The following ZAN variants were observed in gnomAD, a reference collection of about 807,000 sequenced individuals.
ZAN encodes zonadhesin.
A neutral mutation model predicts 286.2 loss-of-function variants in ZAN; 260 were observed. The ratio of observed to expected loss-of-function variants is 0.91; its 90% CI spans 0.82 to 1.01. The LOEUF is 1.01. Ranked by LOEUF, ZAN falls within the 50% of genes least tolerant of loss-of-function variation. The probability of loss-of-function intolerance (pLI) is 0.00; values close to 1 mark genes in which losing one functional copy is unlikely to be tolerated. For missense variants in ZAN, 3,410 were observed against 3,639.2 expected (o/e 0.94, Z 1.62); for synonymous variants, 1,368 against 1,417.5 (o/e 0.97, Z 0.79).
At chr7:100,795,425 T>C (rs1812298357) in intron 45 of ZAN, 89 bp downstream of exon 45, 2 of 1,259,416 alleles carry the variant, frequency 1.6e-6, no homozygotes, top group Non-Finnish European at 2.0e-6. Flanking sequence ...TATTCACATA[T>C]AGAATGATAT....
intron 30 of ZAN, 106 bp from the exon 31 acceptor site, chr7:100,773,615 G>C: frequency 5.8e-6 from 9 of 1,541,140 alleles, no homozygotes; most frequent in Non-Finnish European, 7.9e-6. Flanking sequence ...GCCAAGGCTG[G>C]GGGGCGAGGA....
At position 100,763,224 on chromosome 7, in the gene ZAN, C is replaced by G. The variant is rs549212472; in HGVS notation, c.3987-582C>G. 1.4e-4 allele frequency among the ~76,000 whole-genome samples: 21 copies of G among 152,188 alleles called. No individual in the cohort carries two copies. Among genetic ancestry groups the G allele is most frequent in the African/African-American group, 5.1e-4 (21 of 41,544 alleles). On this transcript the variant is annotated intron_variant, in intron 20 of 47. Coordinates refer to ENST00000613979, the MANE Select transcript of ZAN (RefSeq NM_003386.3). This position sits in a 1 kb window ranked among gnomAD's most constrained non-coding sequence, Gnocchi z 4.6. ...AGGTGATTCACCTGCCCTGGCCTCC[C>G]AAAATGCAAAATGCCGGGATTACAG...
intron 29 of ZAN, among the ~76,000 whole-genome samples, chr7:100,772,829 A>G: frequency 6.6e-6 from 1 of 151,368 alleles, no homozygotes; most frequent in Non-Finnish European, 1.5e-5. Flanking sequence ...CAAGAAAAAA[A>G]AAATTGTTAA....
chr7:100,779,401 A>C, intron 34 of ZAN, 45 bp from the exon 35 acceptor site: 1 of 1,542,654 alleles, frequency 6.5e-7, no homozygotes, highest in Non-Finnish European at 8.7e-7. Flanking sequence ...TTTGTGTCAT[A>C]GTAGGGGGAC....
At chr7:100,783,486 C>A (rs990936191) in intron 35 of ZAN, among the ~76,000 whole-genome samples, 1 of 150,480 alleles carries the variant, frequency 6.6e-6, no homozygotes, top group Non-Finnish European at 1.5e-5. Flanking sequence ...GTAATCCTAG[C>A]ACTTTGGGAG....
intron 35 of ZAN, among the ~76,000 whole-genome samples, chr7:100,783,918 A>G (rs1457470248): frequency 6.7e-6 from 1 of 148,286 alleles, no homozygotes; most frequent in African/African-American, 2.5e-5. Context: ...ATCCATGAAC[A>G]TGGTATGCAT....
chr7:100,797,556 C>T (rs376127341), intron 46 of ZAN, 21 bp from the exon 47 acceptor site: 1 of 1,613,422 alleles, frequency 6.2e-7, no homozygotes, highest in Non-Finnish European at 8.5e-7. Context: ...GGACCCATGT[C>T]TATTCCCCCA....
chr7:100,771,139 T>C (rs1219289665), intron 28 of ZAN, among the ~76,000 whole-genome samples: 2 of 151,982 alleles, frequency 1.3e-5, no homozygotes, highest in Non-Finnish European at 2.9e-5. Context: ...GAGGTCTTGC[T>C]ATGCAGCCCA....
Position 100,763,811 on chromosome 7 carries a change from A to T in ZAN, c.3992A>T (p.Gln1331Leu), listed in dbSNP as rs1562935311. The T allele has an allele frequency of 6.2e-7, 1 of 1,614,016 alleles. No individual in the cohort carries two copies. The highest frequency in any genetic ancestry group is 8.5e-7 in the Non-Finnish European group (1 of 1,179,872). Residue 1331 changes from glutamine to leucine, a missense_variant, in exon 21 of 48, where the codon CAG becomes CTG. Around this residue, in one of 7 missense-constraint regions of ZAN, gnomAD observed 1,042 missense variants for 1,058.0 expected, o/e 0.98. Transcript: ENST00000613979. The surrounding 1 kb of genome is among the most constrained non-coding windows in gnomAD (Gnocchi z 4.6). Reference sequence around the variant, plus strand: ...TTGGGGTGGGTCTCTTGCAGGTGTCAGAAGTACCAGGTGGTGAATTCCCCG... The same window carrying T: ...TTGGGGTGGGTCTCTTGCAGGTGTCTGAAGTACCAGGTGGTGAATTCCCCG... ...QTDQDEDQEC[Q>L]KYQVVNSPSC...
At chr7:100,751,456 C>T (rs182529962) in intron 13 of ZAN, among the ~76,000 whole-genome samples, 190 bp downstream of exon 13, 2 of 152,260 alleles carry the variant, frequency 1.3e-5, no homozygotes, top group East Asian at 1.9e-4. Context: ...AATGTGGCTT[C>T]GATACCATGG....
In ZAN at chr7:100,767,990, G is replaced by A. The variant is rs10953303; in HGVS notation, c.5020G>A (p.Gly1674Ser). The A allele has an allele frequency of 8.5e-5, 137 of 1,612,992 alleles. No homozygotes were observed. In the East Asian group the frequency reaches 2.5e-3, roughly 29 times the overall value. Residue 1674 changes from glycine (G) to serine (S), a missense_variant, in exon 26 of 48, where the codon GGC (glycine) becomes AGC (serine). Transcript: ENST00000613979. ...VEVTVPSSYGGQLCGLCGNYN... is the reference protein window; with the variant it reads ...VEVTVPSSYGSQLCGLCGNYN... ...AGTGACAGTCCCCTCCTCCTATGGC[G>A]GCCAGCTCTGTGGGCTGTGTGGTGA...
intron 42 of ZAN, among the ~76,000 whole-genome samples, chr7:100,793,367 TA>T (rs1279007262): frequency 2.0e-5 from 3 of 151,266 alleles, no homozygotes; most frequent in Non-Finnish European, 1.5e-5. Context: ...AAATAAAAAA[TA>T]AAAAAAAGAC....
chr7:100,762,109 A>T, intron 19 of ZAN, 106 bp from the exon 20 acceptor site: 1 of 1,426,082 alleles, frequency 7.0e-7, no homozygotes, highest in South Asian at 1.2e-5. Context: ...CATCCTCCTC[A>T]CGCCCTCTGT....
chr7:100,761,787 A>T (rs867472840), intron 19 of ZAN, among the ~76,000 whole-genome samples: 16 of 151,756 alleles, frequency 1.1e-4, no homozygotes, highest in Admixed American at 3.3e-4. Flanking sequence ...AAATACAAAA[A>T]AATTAGCTGG....
rs780078093 is a variant in ZAN at position 100,773,795 on chromosome 7, CT to C, written c.5711del (p.Phe1904SerfsTer37). On this transcript the variant is annotated frameshift_variant, in exon 31 of 48. Coordinates refer to ENST00000613979, the MANE Select transcript of ZAN (RefSeq NM_003386.3). LOFTEE classifies it high-confidence loss of function. ...GCTCCGTCCACAACAACATCACCTG[CT>C]TCCAGAGCACCTGCAAACCCAACCA... ...TCSVHNNITCFQSTCKPNQIC... is the reference protein window; with the variant it reads ...TCSVHNNITCXQSTCKPNQIC... 6.2e-7 allele frequency: 1 copy of C among 1,612,658 alleles called. No individual in the cohort carries two copies. Among genetic ancestry groups the C allele is most frequent in the Non-Finnish European group, 8.5e-7 (1 of 1,179,310 alleles).
chr7:100,749,103 G>C (rs1808428467), intron 11 of ZAN, among the ~76,000 whole-genome samples: 2 of 151,988 alleles, frequency 1.3e-5, no homozygotes, highest in Admixed American at 6.6e-5. Context: ...ACTTTGGGAG[G>C]CCGAGGCAGG....
intron 17 of ZAN, 83 bp from the exon 18 acceptor site, chr7:100,759,638 T>TAAAAA: frequency 3.0e-6 from 4 of 1,348,414 alleles, no homozygotes; most frequent in Non-Finnish European, 3.8e-6. Flanking sequence ...CATCTCTCCC[T>TAAAAA]GCGGCGCCAG....
chr7:100,780,600 G>A (rs1370866371), intron 35 of ZAN, among the ~76,000 whole-genome samples: 1 of 151,626 alleles, frequency 6.6e-6, no homozygotes, highest in East Asian at 1.9e-4. Flanking sequence ...CTTGAGCCCG[G>A]CAGTGAACTG....
At chr7:100,742,995 T>C (rs1274663125) in intron 7 of ZAN, among the ~76,000 whole-genome samples, 3 of 129,116 alleles carry the variant, frequency 2.3e-5, no homozygotes, top group South Asian at 2.4e-4. Context: ...TAGGAGGCTT[T>C]TGCAAAAATC....
Sources: gnomAD v4.1 joint callset for allele counts (sites outside exome capture counted in the v4.1 genomes callset) on GRCh38, gnomAD v4.1.1 for gene constraint, gnomAD v4.1.1 regional missense constraint, Gnocchi (gnomAD v3.1) non-coding constraint, MANE v1.5 for transcripts, NCBI Gene and HGNC (gene_info 2026-07-23, HGNC 2026-07-21) for gene names.